The following GRIN3A variants were observed in gnomAD, a reference collection of about 807,000 sequenced individuals.
The protein encoded by GRIN3A is glutamate receptor ionotropic, NMDA 3A.
Under a neutral mutation model 92.4 loss-of-function variants are expected in GRIN3A, and 47 were observed. That is an observed-to-expected ratio of 0.51 (90% CI 0.40 to 0.65). The LOEUF (loss-of-function observed/expected upper bound fraction) is 0.65, where lower values mean the gene tolerates loss of function less well. Among genes scored for constraint, GRIN3A ranks in the 30% least tolerant of loss-of-function variants. GRIN3A has a pLI of 0.00. For missense variants in GRIN3A, 1,324 were observed against 1,393.1 expected (o/e 0.95, Z 0.79); for synonymous variants, 527 against 540.6 (o/e 0.97, Z 0.35).
At chr9:101,712,787 A>G (rs1310085658) in intron 1 of GRIN3A, among the ~76,000 whole-genome samples, 2 of 152,236 alleles carry the variant, frequency 1.3e-5, no homozygotes, top group African/African-American at 4.8e-5. Flanking sequence ...CCATGTAACA[A>G]TGATATAACT....
At chr9:101,691,287 T>C (rs1829615152) in intron 1 of GRIN3A, among the ~76,000 whole-genome samples, 2 of 152,110 alleles carry the variant, frequency 1.3e-5, no homozygotes, top group South Asian at 4.1e-4. Context: ...GGATGAGAGA[T>C]AGACAATATG....
At chr9:101,736,963 C>T (rs899595489) in intron 1 of GRIN3A, among the ~76,000 whole-genome samples, 7 of 152,168 alleles carry the variant, frequency 4.6e-5, no homozygotes, top group African/African-American at 1.7e-4. Flanking sequence ...ACCTCGACTT[C>T]TACTTCCCGT....
chr9:101,641,867 T>C (rs1471844456), intron 3 of GRIN3A, among the ~76,000 whole-genome samples: 1 of 152,002 alleles, frequency 6.6e-6, no homozygotes, highest in Non-Finnish European at 1.5e-5. Flanking sequence ...TTTACACAAT[T>C]GCACTTAAAT....
At chr9:101,703,973 C>T (rs1829783636) in intron 1 of GRIN3A, among the ~76,000 whole-genome samples, 1 of 152,036 alleles carries the variant, frequency 6.6e-6, no homozygotes, top group Non-Finnish European at 1.5e-5. Flanking sequence ...TAATTTAGTT[C>T]CTTTGAGGCT....
At chr9:101,573,538 T>A (rs1413629868) in intron 8 of GRIN3A, 25 bp from the exon 9 acceptor site, 1 of 1,565,226 alleles carries the variant, frequency 6.4e-7, no homozygotes, top group East Asian at 2.2e-5. Context: ...AATTTTAGAT[T>A]TACTTTCCAT....
chr9:101,733,653 A>G (rs1830168785), intron 1 of GRIN3A, among the ~76,000 whole-genome samples: 1 of 152,188 alleles, frequency 6.6e-6, no homozygotes, highest in South Asian at 2.1e-4. Flanking sequence ...GTGCCATGCA[A>G]AAATAGTGCT....
chr9:101,602,444 TGA>T (rs1390914354), intron 6 of GRIN3A, among the ~76,000 whole-genome samples: 1 of 152,052 alleles, frequency 6.6e-6, no homozygotes, highest in Non-Finnish European at 1.5e-5. Context: ...TAGAGGTGAG[TGA>T]GGAGTCCCAT....
At chr9:101,643,087 T>C (rs1423129694) in intron 3 of GRIN3A, among the ~76,000 whole-genome samples, 2 of 152,034 alleles carry the variant, frequency 1.3e-5, no homozygotes, top group African/African-American at 4.8e-5. Context: ...TGTGGAAAAA[T>C]TGCCTTTCAT....
intron 3 of GRIN3A, among the ~76,000 whole-genome samples, chr9:101,632,488 A>G (rs1828728294): frequency 8.8e-6 from 1 of 113,438 alleles, no homozygotes; most frequent in Non-Finnish European, 1.9e-5. Flanking sequence ...GACATAATAA[A>G]TGAATTGTCA....
At chr9:101,656,578 C>T (rs987487225) in intron 3 of GRIN3A, among the ~76,000 whole-genome samples, 2 of 151,860 alleles carry the variant, frequency 1.3e-5, no homozygotes, top group African/African-American at 2.4e-5. Flanking sequence ...GTGCAGAATA[C>T]ACCTAGGGAT....
intron 3 of GRIN3A, among the ~76,000 whole-genome samples, chr9:101,654,382 T>A (rs1829056247): frequency 6.6e-6 from 1 of 151,426 alleles, no homozygotes; most frequent in East Asian, 1.9e-4. Flanking sequence ...AATATATACA[T>A]GTATGATATA....
rs1828100039 is a variant in GRIN3A at position 101,595,007 on chromosome 9, G to C, written c.2767-15647C>G. On this transcript the variant is annotated intron_variant, in intron 6 of 8. Coordinates refer to ENST00000361820, the MANE Select transcript of GRIN3A (RefSeq NM_133445.3). The stretch of plus-strand genomic sequence containing the variant: ...CTCGGGCGGGGCTCGTGCCCGGACG[G>C]TTGGGCCATGGGGTGGGGGTAGAGG... 1.9e-5 allele frequency: 28 copies of C among 1,489,806 alleles called. No individual in the cohort carries two copies. The South Asian group carries it at 3.4e-4, about 18-fold the overall frequency. The allele number at this position is 1,489,806 out of a possible 1,614,324, so 92.3% of individuals were successfully genotyped here.
intron 7 of GRIN3A, among the ~76,000 whole-genome samples, 200 bp downstream of exon 7, chr9:101,578,994 GGA>G (rs2118784961): frequency 6.6e-6 from 1 of 152,302 alleles, no homozygotes; most frequent in Admixed American, 6.5e-5. Context: ...AGGAAAGGAA[GGA>G]GCACTGTGGG....
intron 6 of GRIN3A, among the ~76,000 whole-genome samples, chr9:101,608,496 T>C (rs771636815): frequency 1.2e-4 from 19 of 152,204 alleles, no homozygotes; most frequent in Non-Finnish European, 2.6e-4. Context: ...TTTCAAAACA[T>C]CTTTTTTTTT....
intron 5 of GRIN3A, among the ~76,000 whole-genome samples, chr9:101,619,672 C>T (rs1363494646): frequency 1.3e-5 from 2 of 152,168 alleles, no homozygotes; most frequent in African/African-American, 4.8e-5. Flanking sequence ...GTGTTCCAAG[C>T]ATTGCATTAA....
intron 1 of GRIN3A, among the ~76,000 whole-genome samples, chr9:101,699,188 A>C (rs1362044584): frequency 6.6e-6 from 1 of 152,172 alleles, no homozygotes; most frequent in Non-Finnish European, 1.5e-5. Context: ...AAAAATAAAG[A>C]TATGAACAGA....
intron 3 of GRIN3A, among the ~76,000 whole-genome samples, chr9:101,656,105 C>A (rs1396424369): frequency 6.6e-6 from 1 of 151,968 alleles, no homozygotes; most frequent in Non-Finnish European, 1.5e-5. Context: ...GATAAAGCTG[C>A]TTACTATCTC....
Position 101,686,725 on chromosome 9 carries a change from G to T in GRIN3A, c.1175C>A (p.Ala392Asp), listed in dbSNP as rs1049357004. 3 of 1,614,194 alleles carry T rather than the reference G, an allele frequency of 1.9e-6. No homozygotes were observed. The highest frequency in any genetic ancestry group is 2.5e-6 in the Non-Finnish European group (3 of 1,180,032). ...QSVFEHYVQDAMELVARAVAT... is the reference protein window; with the variant it reads ...QSVFEHYVQDDMELVARAVAT... The stretch of plus-strand genomic sequence containing the variant: ...TACAGCTCTTGCGACCAGCTCCATA[G>T]CATCTTGTACGTAGTGCTCAAAGAC... Residue 392 changes from alanine to aspartate, a missense_variant, in exon 2 of 9, where the codon GCT (alanine) becomes GAT (aspartate). Ala to Asp is a moderately radical substitution (Grantham distance 126). Transcript: ENST00000361820.
intron 4 of GRIN3A, among the ~76,000 whole-genome samples, chr9:101,626,646 A>T (rs185778693): frequency 2.6e-4 from 39 of 152,324 alleles, no homozygotes; most frequent in African/African-American, 9.1e-4. Context: ...TGATGCAGTA[A>T]GTTTGGGATG....
Sources: gnomAD v4.1 joint callset for allele counts (sites outside exome capture counted in the v4.1 genomes callset) on GRCh38, gnomAD v4.1.1 for gene constraint, MANE v1.5 for transcripts, NCBI Gene and HGNC (gene_info 2026-07-23, HGNC 2026-07-21) for gene names.